Variants in MYO16 observed in about 807,000 individuals in gnomAD.
MYO16 encodes unconventional myosin-XVI.
In MYO16, 94 loss-of-function variants were observed where a neutral mutation model predicts 205.3. The ratio of observed to expected loss-of-function variants is 0.46; its 90% CI spans 0.39 to 0.54. The LOEUF is 0.54. MYO16 is among the 20% of genes least tolerant of loss of function. The pLI is 0.00. For synonymous variants in MYO16, 988 were observed against 954.0 expected, an observed-to-expected ratio of 1.04 and a Z score of -0.66; for missense variants, 2,315 against 2,387.5, an observed-to-expected ratio of 0.97 and a Z score of 0.63.
chr13:108,602,808 C>T (rs1345126973), intron 1 of MYO16, among the ~76,000 whole-genome samples: 6 of 152,114 alleles, frequency 3.9e-5, no homozygotes, highest in Non-Finnish European at 7.4e-5. Context: ...CATCTCTACT[C>T]CTGCAGCTTT....
intron 4 of MYO16, among the ~76,000 whole-genome samples, chr13:108,770,905 T>C (rs1885939712): frequency 2.0e-5 from 3 of 152,066 alleles, no homozygotes; most frequent in Non-Finnish European, 4.4e-5. Context: ...ACAAAACAAG[T>C]TTTCTAAAAT....
At chr13:109,068,595 T>A (rs1887826722) in intron 27 of MYO16, among the ~76,000 whole-genome samples, 1 of 151,696 alleles carries the variant, frequency 6.6e-6, no homozygotes. Context: ...ATGAATTTTT[T>A]TTTTTTTTTT....
At chr13:108,730,850 C>A (rs1019309970) in intron 4 of MYO16, among the ~76,000 whole-genome samples, 3 of 152,186 alleles carry the variant, frequency 2.0e-5, no homozygotes, top group Non-Finnish European at 4.4e-5. Context: ...GAGTTCTAGA[C>A]ACTCCTTCTC....
intron 1 of MYO16, among the ~76,000 whole-genome samples, chr13:108,610,061 GGACT>G (rs1342913776): frequency 6.6e-6 from 1 of 152,114 alleles, no homozygotes; most frequent in African/African-American, 2.4e-5. Flanking sequence ...TGAAGCTCTG[GGACT>G]GACTGAGTGT....
chr13:108,712,720 C>G lies in MYO16; in HGVS notation c.352C>G (p.Leu118Val). The change falls in exon 3 of 35, where the codon CTG becomes GTG. Residue 118 changes from leucine to valine, a missense_variant. Physicochemically the swap from Leu to Val is conservative, Grantham distance 32. This residue lies in a region of MYO16 where 1,213 missense variants were observed against 1,274.4 expected (regional missense o/e 0.95). Coordinates refer to ENST00000457511, the MANE Select transcript of MYO16 (RefSeq NM_001198950.3). ...CACCCTCGTCTCCTCGGGAGGGTCC[C>G]TGCTCCATCTGGTAAGAACCGCGAC... Reference protein sequence around the residue: ...PHTLVSSGGSLLHLCARYDNA... With the variant: ...PHTLVSSGGSVLHLCARYDNA... The G allele has an allele frequency of 6.2e-7, 1 of 1,613,320 alleles. No homozygotes were observed. The highest frequency in any genetic ancestry group is 1.1e-5 in the South Asian group (1 of 90,956).
intron 2 of MYO16, among the ~76,000 whole-genome samples, chr13:108,668,033 G>C (rs1265690356): frequency 6.6e-6 from 1 of 152,120 alleles, no homozygotes; most frequent in Non-Finnish European, 1.5e-5. Flanking sequence ...GCAAGACCCT[G>C]TCTCAAAAAC....
Position 109,055,003 on chromosome 13 carries a change from CCTTT to C in MYO16, c.3049-38_3049-35del. On this transcript the variant is annotated intron_variant, in intron 25 of 34. Coordinates refer to ENST00000457511, the MANE Select transcript of MYO16 (RefSeq NM_001198950.3). The surrounding 1 kb of genome is among the most constrained non-coding windows in gnomAD (Gnocchi z 5.0). ...CCTCCTTCTTCCTTTCCTTTCCTTTCCTTTCTTTTCTCCTGTCCTTCTTGTCTTT... is the reference window on the plus strand; with the variant it reads ...CCTCCTTCTTCCTTTCCTTTCCTTTCCTTTTCTCCTGTCCTTCTTGTCTTT... 8.0e-7 allele frequency: 1 copy of C among 1,256,786 alleles called. No individual in the cohort carries two copies. Among genetic ancestry groups the C allele is most frequent in the Admixed American group, 2.3e-5 (1 of 43,634 alleles). The allele number at this position is 1,256,786 out of a possible 1,614,324, so 77.9% of individuals were successfully genotyped here. A position where few individuals can be genotyped will look rare whatever the true frequency, so the allele number is the denominator to read the frequency against.
chr13:108,906,769 C>T (rs1880998981), intron 15 of MYO16, among the ~76,000 whole-genome samples: 1 of 152,038 alleles, frequency 6.6e-6, no homozygotes, highest in South Asian at 2.1e-4. Context: ...TCCAGAGGGG[C>T]CTTGGGACAC....
At position 109,190,425 on chromosome 13, in the gene MYO16, G is replaced by A. The variant is rs144484435; in HGVS notation, c.5415+10792G>A. On this transcript the variant is annotated intron_variant, in intron 34 of 34. Coordinates refer to ENST00000457511, the MANE Select transcript of MYO16 (RefSeq NM_001198950.3). Reference sequence around the variant, plus strand: ...GTAATATAATCATTTGTGTGTGTGTGTATGTGCACCTTGATAGACCTGTGA... The same window carrying A: ...GTAATATAATCATTTGTGTGTGTGTATATGTGCACCTTGATAGACCTGTGA... Among the ~76,000 whole-genome samples the A allele has an allele frequency of 6.1e-3, 936 of 152,214 alleles. 8 individuals carry two copies. Among genetic ancestry groups the A allele is most frequent in the African/African-American group, 0.022 (894 of 41,518 alleles).
chr13:108,664,346 A>G lies in MYO16; in HGVS notation c.29-1540A>G, dbSNP rs111801702. ...TGGTGCTTTGGTTTGTTTCTTCTCT[A>G]TGGAGCATTTTTTATTCTGTTTGTC... On this transcript the variant is annotated intron_variant, in intron 1 of 34. Transcript: ENST00000457511. 3.3e-5 allele frequency among the ~76,000 whole-genome samples: 5 copies of G among 152,244 alleles called. 1 individual carries two copies. The highest frequency in any genetic ancestry group is 7.2e-5 in the African/African-American group (3 of 41,548).
chr13:108,967,132 A>T (rs1054797395), intron 20 of MYO16, among the ~76,000 whole-genome samples: 3 of 151,026 alleles, frequency 2.0e-5, no homozygotes, highest in African/African-American at 7.4e-5. Context: ...TATAGTATAC[A>T]GACATGTATA....
chr13:109,090,970 A>G (rs1432339209), intron 27 of MYO16, among the ~76,000 whole-genome samples: 2 of 151,860 alleles, frequency 1.3e-5, no homozygotes, highest in African/African-American at 2.4e-5. Context: ...TTCTTGATGT[A>G]TGTCAGTCTT....
At chr13:109,034,645 A>AT (rs1221621501) in intron 23 of MYO16, among the ~76,000 whole-genome samples, 2 of 152,196 alleles carry the variant, frequency 1.3e-5, no homozygotes, top group Admixed American at 1.3e-4. Flanking sequence ...TTTACAAAAT[A>AT]TTTTTAAAAG....
chr13:108,865,436 C>A (rs1359259231), intron 11 of MYO16, among the ~76,000 whole-genome samples: 1 of 151,986 alleles, frequency 6.6e-6, no homozygotes, highest in East Asian at 1.9e-4. Context: ...TCCAAAAGCA[C>A]ATTTTCTATA....
chr13:108,973,530 G>T (rs73616465), intron 20 of MYO16, among the ~76,000 whole-genome samples: 2,096 of 152,218 alleles, frequency 0.014, 38 homozygotes, highest in African/African-American at 0.047. Flanking sequence ...TAGAGATCCA[G>T]ATTTTCATCA....
In MYO16 at chr13:109,010,957, T is replaced by TTATATATATA. The variant is rs67321937; in HGVS notation, c.2595+1918_2595+1927dup. 8.0e-3 allele frequency among the ~76,000 whole-genome samples: 945 copies of TTATATATATA among 118,544 alleles called. 65 individuals are homozygous for TTATATATATA. Among genetic ancestry groups the TTATATATATA allele is most frequent in the African/African-American group, 0.023 (751 of 32,250 alleles). 77.8% of individuals were successfully genotyped at this position (118,544 alleles called of 152,430 possible). A position where few individuals can be genotyped will look rare whatever the true frequency, so the allele number is the denominator to read the frequency against. On this transcript the variant is annotated intron_variant, in intron 22 of 34. Transcript: ENST00000457511. ...TCTATTATATATATTACATATAATA[T>TTATATATATA]TATATATATATATATATATTTCTTC...
intron 16 of MYO16, among the ~76,000 whole-genome samples, chr13:108,924,902 G>T (rs892268790): frequency 3.3e-5 from 5 of 152,146 alleles, no homozygotes; most frequent in Non-Finnish European, 5.9e-5. Context: ...TCTGAATTTT[G>T]TTGCTCTGAA....
intron 27 of MYO16, among the ~76,000 whole-genome samples, chr13:109,098,701 TCAAA>T (rs1888857780): frequency 6.6e-6 from 1 of 152,186 alleles, no homozygotes; most frequent in Admixed American, 6.5e-5. Flanking sequence ...CAGCAGATCA[TCAAA>T]CAGTGACATG....
the MYO16 span, among the ~76,000 whole-genome samples, chr13:108,559,353 G>T: frequency 6.6e-6 from 1 of 152,072 alleles, no homozygotes; most frequent in Non-Finnish European, 1.5e-5. Context: ...TCTGCAGAGA[G>T]GGCATGCCCT....
Sources: gnomAD v4.1 joint callset for allele counts (sites outside exome capture counted in the v4.1 genomes callset) on GRCh38, gnomAD v4.1.1 for gene constraint, gnomAD v4.1.1 regional missense constraint, Gnocchi (gnomAD v3.1) non-coding constraint, MANE v1.5 for transcripts, NCBI Gene and HGNC (gene_info 2026-07-23, HGNC 2026-07-21) for gene names.